Variants in TPO observed in about 807,000 individuals in gnomAD.
The protein encoded by TPO is thyroid microsomal antigen.
In TPO, 78 loss-of-function variants were observed where a neutral mutation model predicts 96.9. The observed-to-expected ratio is 0.81, with a 90% CI of 0.67 to 0.97. The LOEUF (loss-of-function observed/expected upper bound fraction) is 0.97, where lower values mean the gene tolerates loss of function less well. Among genes scored for constraint, TPO ranks in the 50% least tolerant of loss-of-function variants. The pLI, the probability that TPO is intolerant of heterozygous loss-of-function variation, is 0.00. For missense variants in TPO, 1,252 were observed against 1,274.8 expected (o/e 0.98, Z 0.27); for synonymous variants, 547 against 538.0 (o/e 1.02, Z -0.23).
chr2:1,490,479 C>T (rs1252741826), intron 10 of TPO, among the ~76,000 whole-genome samples: 2 of 142,610 alleles, frequency 1.4e-5, no homozygotes, highest in Non-Finnish European at 3.1e-5. Flanking sequence ...GGGTCCCACA[C>T]AGGGGGAGTC....
rs143290262 is a variant in TPO at position 1,485,480 on chromosome 2, C to T, written c.1597+626C>T. On this transcript the variant is annotated intron_variant, in intron 9 of 16. Transcript: ENST00000329066. ...GTTCTAGATGCTTGAGGAATCGCCA[C>T]ACTGTCTTCCACAATGGTTGAACTA... 7.8e-3 allele frequency among the ~76,000 whole-genome samples: 1,165 copies of T among 150,314 alleles called. 19 individuals are homozygous for T. The highest frequency in any genetic ancestry group is 0.028 in the African/African-American group (1,097 of 39,672).
Position 1,496,206 on chromosome 2 carries a change from C to A in TPO, c.2215+9C>A. 1 of 1,613,160 alleles carries A rather than the reference C, an allele frequency of 6.2e-7. No individual in the cohort carries two copies. The highest frequency in any genetic ancestry group is 1.3e-5 in the African/African-American group (1 of 75,034). ...GGAAACCTTTCCTCAAGGTGAAGTT[C>A]GGTCTCCTCTCACACCACGTTACAG... On this transcript the variant is annotated intron_variant, in intron 12 of 16. Transcript: ENST00000329066.
intron 8 of TPO, among the ~76,000 whole-genome samples, chr2:1,480,788 A>G (rs1670527278): frequency 6.6e-6 from 1 of 151,888 alleles, no homozygotes; most frequent in South Asian, 2.1e-4. Flanking sequence ...ATCCGTCCAC[A>G]CCACCTTCCT....
intron 15 of TPO, among the ~76,000 whole-genome samples, chr2:1,522,413 C>T (rs542383212): frequency 6.9e-6 from 1 of 144,980 alleles, no homozygotes; most frequent in African/African-American, 2.6e-5. Flanking sequence ...ACCTGCCTGC[C>T]ACCGTGCCCT....
chr2:1,523,367 T>G (rs187864648), intron 15 of TPO, among the ~76,000 whole-genome samples: 34 of 79,746 alleles, frequency 4.3e-4, no homozygotes, highest in African/African-American at 1.3e-3. Flanking sequence ...CCCACTGTGT[T>G]CAACCTCCCC....
At chr2:1,523,445 CCACT>C (rs1362453409) in intron 15 of TPO, among the ~76,000 whole-genome samples, 5 of 146,080 alleles carry the variant, frequency 3.4e-5, no homozygotes, top group African/African-American at 1.3e-4. Flanking sequence ...CAAATTACCC[CCACT>C]GTGTGCAACC....
chr2:1,520,561 G>A (rs536991668), intron 15 of TPO, among the ~76,000 whole-genome samples: 1 of 152,192 alleles, frequency 6.6e-6, no homozygotes, highest in Non-Finnish European at 1.5e-5. Flanking sequence ...GTATGTTTTG[G>A]TGTGATTGTT....
At chr2:1,427,396 C>G (rs1158442352) in intron 3 of TPO, among the ~76,000 whole-genome samples, 1 of 152,198 alleles carries the variant, frequency 6.6e-6, no homozygotes, top group Non-Finnish European at 1.5e-5. Context: ...CCTGCAGCAG[C>G]CAGACCCTGT....
At chr2:1,461,716 A>C (rs983762230) in intron 7 of TPO, among the ~76,000 whole-genome samples, 4 of 152,282 alleles carry the variant, frequency 2.6e-5, no homozygotes, top group South Asian at 2.1e-4. Context: ...ACACACGTGC[A>C]CACAGGCACA....
chr2:1,430,983 A>C (rs1664919175), intron 3 of TPO, among the ~76,000 whole-genome samples: 1 of 152,204 alleles, frequency 6.6e-6, no homozygotes, highest in Admixed American at 6.5e-5. Flanking sequence ...GAATAAATTA[A>C]GACTTTGGGG....
In TPO at chr2:1,477,265, C is replaced by G; in HGVS notation, c.999C>G (p.Ser333=). 1 of 1,604,730 alleles carries G rather than the reference C, an allele frequency of 6.2e-7. No homozygotes were observed. Among genetic ancestry groups the G allele is most frequent in the Non-Finnish European group, 8.5e-7 (1 of 1,176,872 alleles). The part of the protein sequence containing the change: ...FLDASTVYGS[S]PALERQLRNW... Reference sequence around the variant, plus strand: ...ACGCGTCCACCGTGTATGGCAGCTCCCCGGCCCTAGAGAGGCAGCTGCGGA... The same window carrying G: ...ACGCGTCCACCGTGTATGGCAGCTCGCCGGCCCTAGAGAGGCAGCTGCGGA... The change falls in exon 8 of 17, where the codon TCC becomes TCG. Residue 333 remains serine, a synonymous_variant. Coordinates refer to ENST00000329066, the MANE Select transcript of TPO (RefSeq NM_001206744.2).
Position 1,496,642 on chromosome 2 carries a change from C to T in TPO, c.2263C>T (p.His755Tyr). The T allele has an allele frequency of 1.2e-6, 2 of 1,613,910 alleles. No homozygotes were observed. Among genetic ancestry groups the T allele is most frequent in the East Asian group, 2.2e-5 (1 of 44,826 alleles). ...GAGCGTGGAGAATGGGGACTTTGTG[C>T]ACTGTGAGGAGTCTGGGAGGCGCGT... ...PESVENGDFV[H>Y]CEESGRRVLV... The change falls in exon 13 of 17, where the codon CAC (histidine) becomes TAC (tyrosine). Residue 755 changes from histidine to tyrosine, a missense_variant. His to Tyr is a moderately conservative substitution (Grantham distance 83, BLOSUM62 2). Coordinates refer to ENST00000329066, the MANE Select transcript of TPO (RefSeq NM_001206744.2).
intron 14 of TPO, among the ~76,000 whole-genome samples, chr2:1,505,205 G>C (rs1673280667): frequency 1.3e-5 from 2 of 152,242 alleles, no homozygotes; most frequent in South Asian, 4.1e-4. Context: ...ACATCCGCTT[G>C]ACTGGCACGT....
At chr2:1,408,147 C>T (rs1662274179) in intron 1 of TPO, among the ~76,000 whole-genome samples, 1 of 152,222 alleles carries the variant, frequency 6.6e-6, no homozygotes, top group Non-Finnish European at 1.5e-5. Context: ...CTCGAGCACA[C>T]AGATATTCAG....
chr2:1,436,116 T>C (rs752709103), intron 4 of TPO, 136 bp from the exon 5 acceptor site: 67 of 1,346,252 alleles, frequency 5.0e-5, no homozygotes, highest in Non-Finnish European at 6.5e-5. Context: ...AGGCAGATTT[T>C]CTCAAAAACA....
At chr2:1,442,883 C>T (rs1172808685) in intron 5 of TPO, among the ~76,000 whole-genome samples, 1 of 152,176 alleles carries the variant, frequency 6.6e-6, no homozygotes, top group Non-Finnish European at 1.5e-5. Context: ...TTTGAAGCCC[C>T]TTTCTTCAAA....
chr2:1,513,115 C>A (rs747645032), intron 14 of TPO, among the ~76,000 whole-genome samples: 2 of 152,234 alleles, frequency 1.3e-5, no homozygotes, highest in Non-Finnish European at 2.9e-5. Flanking sequence ...CCAGCACTGT[C>A]CCTGGATGCA....
chr2:1,456,033 CA>C (rs1036271161), intron 6 of TPO, 42 bp from the exon 7 acceptor site: 1 of 1,588,570 alleles, frequency 6.3e-7, no homozygotes, highest in Admixed American at 1.7e-5. Context: ...TCTGCTACCA[CA>C]GGGTCCTCCT....
In TPO at chr2:1,495,956, C is replaced by T. The variant is rs2276704; in HGVS notation, c.2007-33C>T. 0.31 allele frequency: 490,262 copies of T among 1,602,828 alleles called. 75,511 individuals are homozygous for T. The highest frequency in any genetic ancestry group is 0.33 in the South Asian group (29,138 of 89,468). On this transcript the variant is annotated intron_variant, in intron 11 of 16. Coordinates refer to ENST00000329066, the MANE Select transcript of TPO (RefSeq NM_001206744.2). ...GCCTGCCCTGGGGGTTCTCCATGCA[C>T]TGTGACCTTACTCACTGTCTCCTTC... is the stretch of plus-strand genomic sequence containing the variant.
Sources: gnomAD v4.1 joint callset for allele counts (sites outside exome capture counted in the v4.1 genomes callset) on GRCh38, gnomAD v4.1.1 for gene constraint, MANE v1.5 for transcripts, NCBI Gene and HGNC (gene_info 2026-07-23, HGNC 2026-07-21) for gene names.